Variants in RIGI observed in about 807,000 individuals in gnomAD.
The protein encoded by RIGI is antiviral innate immune response receptor RIG-I.
chr9:32,516,694 T>A, the RIGI span, among the ~76,000 whole-genome samples: 2 of 152,302 alleles, frequency 1.3e-5, no homozygotes, highest in African/African-American at 4.8e-5. Flanking sequence ...CCCAACTGAC[T>A]AAGAAAGGGA....
At chr9:32,511,792 G>A in the RIGI span, among the ~76,000 whole-genome samples, 8 of 152,112 alleles carry the variant, frequency 5.3e-5, no homozygotes, top group Non-Finnish European at 1.2e-4. Context: ...GTGAATCCAG[G>A]AGCTGGTTTT....
At chr9:32,491,194 C>T in the RIGI span, 73 of 1,297,386 alleles carry the variant, frequency 5.6e-5, no homozygotes, top group South Asian at 1.0e-3. Context: ...CTTAATTTTC[C>T]TTACAAAACT....
At chr9:32,521,161 A>AAAAAAAAAAAC in the RIGI span, among the ~76,000 whole-genome samples, 2 of 150,746 alleles carry the variant, frequency 1.3e-5, no homozygotes, top group African/African-American at 4.9e-5. Flanking sequence ...AAAAAAAAAA[A>AAAAAAAAAAAC]ACTTCACAGA....
At chr9:32,459,248 A>G in the RIGI span, 6 of 1,211,124 alleles carry the variant, frequency 5.0e-6, no homozygotes, top group Non-Finnish European at 6.9e-6. Context: ...CTTTTTTTAA[A>G]TACACAGATC....
chr9:32,502,222 T>A, the RIGI span, among the ~76,000 whole-genome samples: 1 of 152,260 alleles, frequency 6.6e-6, no homozygotes, highest in African/African-American at 2.4e-5. Flanking sequence ...AATATCCCAC[T>A]GTATGGATAC....
the RIGI span, among the ~76,000 whole-genome samples, chr9:32,521,161 A>AAAAAAAAAAAAAAAC: frequency 2.0e-5 from 3 of 150,746 alleles, no homozygotes; most frequent in African/African-American, 7.3e-5. Flanking sequence ...AAAAAAAAAA[A>AAAAAAAAAAAAAAAC]ACTTCACAGA....
chr9:32,483,699 G>GGT, the RIGI span, among the ~76,000 whole-genome samples: 151,650 of 151,970 alleles, frequency 1, 75,666 homozygotes, highest in Middle Eastern at 1. Context: ...GCCTTTAGTG[G>GGT]TCCTGCAGCC....
At chr9:32,457,323 T>C in the RIGI span, 1 of 1,614,158 alleles carries the variant, frequency 6.2e-7, no homozygotes, top group East Asian at 2.2e-5. Context: ...ATATCTTTGC[T>C]CTTTTTTCAA....
chr9:32,499,207 TTTTC>T, the RIGI span, among the ~76,000 whole-genome samples: 1 of 143,756 alleles, frequency 7.0e-6, no homozygotes, highest in Admixed American at 7.0e-5. Flanking sequence ...TCTATGTATG[TTTTC>T]TTTCTTTTTC....
chr9:32,504,747 TAAAATATATAAAATATATTTAATAC>T, the RIGI span, among the ~76,000 whole-genome samples: 7 of 138,708 alleles, frequency 5.0e-5, no homozygotes, highest in African/African-American at 1.9e-4. Flanking sequence ...ATTTAATACA[TAAAATATATAAAATATATTTAATAC>T]ATAAAATATA....
chr9:32,456,863 T>G, the RIGI span: 1 of 411,656 alleles, frequency 2.4e-6, no homozygotes. Context: ...TTGTTGGCAG[T>G]TGACTCTAAA....
the RIGI span, among the ~76,000 whole-genome samples, chr9:32,479,643 T>G: frequency 6.6e-6 from 1 of 151,860 alleles, no homozygotes; most frequent in Non-Finnish European, 1.5e-5. Context: ...TTGAGACCAA[T>G]CTGGCCAACA....
At chr9:32,495,503 GTTT>G in the RIGI span, among the ~76,000 whole-genome samples, 1 of 149,012 alleles carries the variant, frequency 6.7e-6, no homozygotes, top group Non-Finnish European at 1.5e-5. Context: ...GCCCAGCTTT[GTTT>G]TTGTTTTTAT....
chr9:32,466,166 C>G, the RIGI span: 1 of 928,074 alleles, frequency 1.1e-6, no homozygotes, highest in South Asian at 1.6e-5. Context: ...TTAATATTCA[C>G]TAAGTATAAA....
At chr9:32,504,780 A>G in the RIGI span, among the ~76,000 whole-genome samples, 1 of 138,856 alleles carries the variant, frequency 7.2e-6, no homozygotes, top group East Asian at 2.3e-4. Flanking sequence ...TACATAAAAT[A>G]TATAAAATAT....
the RIGI span, chr9:32,481,484 T>C: frequency 2.5e-6 from 4 of 1,582,152 alleles, no homozygotes; most frequent in Middle Eastern, 1.8e-4. Context: ...TATTTTGAAT[T>C]TGAGATAAGT....
chr9:32,482,953 A>C, the RIGI span, among the ~76,000 whole-genome samples: 7 of 152,080 alleles, frequency 4.6e-5, no homozygotes, highest in Non-Finnish European at 1.0e-4. Context: ...CAGCATTCTC[A>C]GGGCCAAGCA....
the RIGI span, among the ~76,000 whole-genome samples, chr9:32,478,446 T>C: frequency 6.6e-6 from 1 of 152,358 alleles, no homozygotes; most frequent in East Asian, 1.9e-4. Flanking sequence ...GATGTGCTGC[T>C]GCTCATCTCT....
the RIGI span, among the ~76,000 whole-genome samples, chr9:32,499,235 G>C: frequency 9.1e-6 from 1 of 110,118 alleles, no homozygotes. Flanking sequence ...TTGATTTTAA[G>C]ACTTTTTTTA....
Sources: allele counts gnomAD v4.1 joint callset (sites outside exome capture counted in the v4.1 genomes callset), GRCh38; gene constraint gnomAD v4.1.1; transcripts MANE v1.5; gene names NCBI Gene and HGNC (gene_info 2026-07-23, HGNC 2026-07-21).